The following PTH2R variants were observed in gnomAD, a reference collection of about 807,000 sequenced individuals.
PTH2R encodes the protein PTH2 receptor.
Under a neutral mutation model 60.3 loss-of-function variants are expected in PTH2R, and 59 were observed. The ratio of observed to expected loss-of-function variants is 0.98; its 90% confidence interval spans 0.79 to 1.22. The LOEUF is 1.22. Ranked by LOEUF, PTH2R falls within the 50% of genes most tolerant of loss-of-function variation. The pLI is 0.00. For missense variants in PTH2R, 749 were observed against 682.6 expected, an observed-to-expected ratio of 1.10 and a Z score of -1.08; for synonymous variants, 256 against 243.8, an observed-to-expected ratio of 1.05 and a Z score of -0.47.
chr2:208,360,032 TG>T (rs1700416948), exon 1 of PTH2R: 1 of 335,130 alleles, frequency 3.0e-6, no homozygotes. Context: ...ACAGGTTTTT[TG>T]GGTCGGAGAG....
chr2:208,477,088 A>T (rs535489867), intron 9 of PTH2R, among the ~76,000 whole-genome samples: 1 of 152,290 alleles, frequency 6.6e-6, no homozygotes, highest in East Asian at 1.9e-4. Context: ...CGCATATCTC[A>T]TTTGCCTATT....
chr2:208,375,277 AG>A, intron 1 of PTH2R, among the ~76,000 whole-genome samples: 1 of 152,150 alleles, frequency 6.6e-6, no homozygotes, highest in East Asian at 1.9e-4. Context: ...GTGAACCTCA[AG>A]GAGAAGAAAG....
chr2:208,481,243 G>C (rs1330308653), intron 10 of PTH2R, 79 bp downstream of exon 10: 13 of 969,010 alleles, frequency 1.3e-5, no homozygotes, highest in Non-Finnish European at 1.7e-5. Flanking sequence ...TTTTGAGACA[G>C]GGTCTCGCTC....
At chr2:208,398,795 A>G (rs1220748724) in intron 1 of PTH2R, among the ~76,000 whole-genome samples, 2 of 152,208 alleles carry the variant, frequency 1.3e-5, no homozygotes, top group Admixed American at 6.5e-5. Flanking sequence ...GTGATAACAC[A>G]TATACTGGAA....
At chr2:208,383,028 G>C (rs562327137) in intron 1 of PTH2R, among the ~76,000 whole-genome samples, 1 of 152,328 alleles carries the variant, frequency 6.6e-6, no homozygotes, top group African/African-American at 2.4e-5. Flanking sequence ...GCACTAATCA[G>C]TTCACTTTTT....
chr2:208,453,676 G>C (rs185224306), intron 8 of PTH2R, among the ~76,000 whole-genome samples: 40 of 152,246 alleles, frequency 2.6e-4, no homozygotes, highest in Admixed American at 1.2e-3. Context: ...TTGAGTTAAT[G>C]CAAGTTGTGA....
At chr2:208,461,046 A>G (rs1235758859) in intron 9 of PTH2R, among the ~76,000 whole-genome samples, 5 of 152,148 alleles carry the variant, frequency 3.3e-5, no homozygotes, top group Non-Finnish European at 7.4e-5. Context: ...AGGAGAGATC[A>G]AAAGGAATCT....
chr2:208,373,526 ACTGT>A (rs1348285740), intron 1 of PTH2R, among the ~76,000 whole-genome samples: 1 of 152,084 alleles, frequency 6.6e-6, no homozygotes, highest in Non-Finnish European at 1.5e-5. Flanking sequence ...CCTTTAGGAC[ACTGT>A]CTGCTCTTAT....
intron 8 of PTH2R, among the ~76,000 whole-genome samples, chr2:208,459,418 T>TTC (rs1386588296): frequency 6.6e-6 from 1 of 152,186 alleles, no homozygotes; most frequent in African/African-American, 2.4e-5. Context: ...TTGCGTTCAT[T>TTC]TTCTATTGCA....
chr2:208,456,434 C>T (rs1312441702), intron 8 of PTH2R, among the ~76,000 whole-genome samples: 2 of 152,172 alleles, frequency 1.3e-5, no homozygotes, highest in East Asian at 1.9e-4. Context: ...AGAGAAGAAA[C>T]CCATAACTTC....
chr2:208,361,050 G>A, intron 1 of PTH2R: 1 of 211,134 alleles, frequency 4.7e-6, no homozygotes, highest in Non-Finnish European at 1.0e-5. Context: ...AATAACAGAT[G>A]GCGATGACAC....
At chr2:208,399,452 A>C (rs189586037) in intron 1 of PTH2R, among the ~76,000 whole-genome samples, 1 of 152,188 alleles carries the variant, frequency 6.6e-6, no homozygotes, top group East Asian at 1.9e-4. Context: ...CAGGTAGTTT[A>C]TGCTAACAAT....
Position 208,441,584 on chromosome 2 carries a change from ATT to A in PTH2R, c.412-779_412-778del, listed in dbSNP as rs1367424031. The stretch of plus-strand genomic sequence containing the variant: ...ATCTTAAAAGATCCCATACTGTATA[ATT>A]CTACTTATATGACATTTATGAAATG... On this transcript the variant is annotated intron_variant, in intron 4 of 12. Transcript: ENST00000272847. 1.2e-4 allele frequency among the ~76,000 whole-genome samples: 19 copies of A among 152,184 alleles called. 1 individual carries two copies. The highest frequency in any genetic ancestry group is 2.5e-4 in the Non-Finnish European group (17 of 68,030).
intron 2 of PTH2R, among the ~76,000 whole-genome samples, chr2:208,433,959 A>C (rs1321200747): frequency 6.6e-6 from 1 of 152,250 alleles, no homozygotes; most frequent in Non-Finnish European, 1.5e-5. Flanking sequence ...TCCTTGCCAA[A>C]TAATGAAAGT....
rs572546919 is a variant in PTH2R, at chr2:208,372,947, G to A, written c.-259+12710G>A. Among the ~76,000 whole-genome samples, 138 of 152,150 alleles carry A rather than the reference G, an allele frequency of 9.1e-4. 2 individuals carry two copies. Among genetic ancestry groups the A allele is most frequent in the African/African-American group, 2.9e-3 (120 of 41,424 alleles). ...CAAAAATACAAAAAATTAGCCAGGC[G>A]TGATGGCACATGCCTGTAGGTCCAG... On this transcript the variant is annotated intron_variant, in intron 1 of 12. Coordinates refer to the PTH2R transcript ENST00000617735.
chr2:208,445,380 T>G (rs1371146834), intron 7 of PTH2R, among the ~76,000 whole-genome samples: 1 of 152,198 alleles, frequency 6.6e-6, no homozygotes, highest in Non-Finnish European at 1.5e-5. Flanking sequence ...ACTTACCATG[T>G]GTTTTAGAAG....
At position 208,463,232 on chromosome 2, in the gene PTH2R, C is replaced by A. The variant is rs1049178641; in HGVS notation, c.981+3271C>A. On this transcript the variant is annotated intron_variant, in intron 9 of 12. Transcript: ENST00000272847. The stretch of plus-strand genomic sequence containing the variant: ...CTGCTGCCTCAGCTCCACACAATGG[C>A]TTTCTTTAGTTTCCTGAACATGCTA... Among the ~76,000 whole-genome samples the A allele has an allele frequency of 2.0e-5, 3 of 152,162 alleles. No homozygotes were observed. The East Asian group carries it at 5.8e-4, about 29-fold the overall frequency.
At chr2:208,466,016 T>C (rs765198102) in intron 9 of PTH2R, among the ~76,000 whole-genome samples, 5 of 152,168 alleles carry the variant, frequency 3.3e-5, no homozygotes, top group Non-Finnish European at 5.9e-5. Context: ...TTTGTTTCCA[T>C]GCATTTATAT....
At chr2:208,410,827 G>T (rs181638310) in intron 1 of PTH2R, among the ~76,000 whole-genome samples, 208 of 152,188 alleles carry the variant, frequency 1.4e-3, no homozygotes, top group African/African-American at 4.2e-3. Flanking sequence ...TAGGAGTGGG[G>T]TATAGACATA....
Sources: allele counts gnomAD v4.1 joint callset (sites outside exome capture counted in the v4.1 genomes callset), GRCh38; gene constraint gnomAD v4.1.1; transcripts MANE v1.5; gene names NCBI Gene and HGNC (gene_info 2026-07-23, HGNC 2026-07-21).